Variants in BLTP3B observed in about 807,000 individuals in gnomAD.
BLTP3B encodes bridge-like lipid transfer protein family member 3B.
chr12:100,105,832 A>C, the BLTP3B span, among the ~76,000 whole-genome samples: 25 of 152,170 alleles, frequency 1.6e-4, no homozygotes, highest in Non-Finnish European at 5.9e-5. Flanking sequence ...TAATATTCAG[A>C]ATCTACAAGG....
At chr12:100,048,205 A>C in the BLTP3B span, 1 of 1,569,558 alleles carries the variant, frequency 6.4e-7, no homozygotes, top group Non-Finnish European at 8.6e-7. Context: ...ACCTAAGGAA[A>C]ATGAACATAC....
At chr12:100,114,104 A>G in the BLTP3B span, among the ~76,000 whole-genome samples, 1 of 152,334 alleles carries the variant, frequency 6.6e-6, no homozygotes, top group Admixed American at 6.5e-5. Flanking sequence ...GTTATAATTC[A>G]ATTATTTAGC....
chr12:100,054,527 T>G, the BLTP3B span, among the ~76,000 whole-genome samples: 1 of 152,258 alleles, frequency 6.6e-6, no homozygotes, highest in Admixed American at 6.5e-5. Flanking sequence ...CAGAAGAACA[T>G]TGTTTTTGAA....
the BLTP3B span, among the ~76,000 whole-genome samples, chr12:100,043,929 T>C: frequency 2.0e-5 from 3 of 152,156 alleles, no homozygotes; most frequent in African/African-American, 7.2e-5. Flanking sequence ...TCCTCTTGGA[T>C]TCTTTTGGTC....
At chr12:100,066,726 C>A in the BLTP3B span, among the ~76,000 whole-genome samples, 3 of 151,746 alleles carry the variant, frequency 2.0e-5, no homozygotes, top group South Asian at 2.1e-4. Context: ...ATGGCGTGAA[C>A]CCAGGAGGCA....
chr12:100,135,264 CTTTTT>C, the BLTP3B span, among the ~76,000 whole-genome samples: 1 of 141,084 alleles, frequency 7.1e-6, no homozygotes, highest in Non-Finnish European at 1.5e-5. Flanking sequence ...ATATTGCTTT[CTTTTT>C]TTTCTTTCTT....
At chr12:100,116,472 GA>G in the BLTP3B span, among the ~76,000 whole-genome samples, 60 of 132,576 alleles carry the variant, frequency 4.5e-4, no homozygotes, top group African/African-American at 1.4e-3. Context: ...AAAAAGAAAA[GA>G]AAAAAAAAGG....
the BLTP3B span, among the ~76,000 whole-genome samples, chr12:100,115,716 C>T: frequency 2.6e-5 from 4 of 151,796 alleles, no homozygotes; most frequent in East Asian, 3.9e-4. Flanking sequence ...GAGCTGTGAT[C>T]GTGCCACTGT....
chr12:100,108,007 G>C, the BLTP3B span, among the ~76,000 whole-genome samples: 5 of 152,116 alleles, frequency 3.3e-5, no homozygotes, highest in Non-Finnish European at 7.4e-5. Flanking sequence ...CTTCCAAAGT[G>C]CTGGGATTAC....
At chr12:100,055,996 T>C in the BLTP3B span, among the ~76,000 whole-genome samples, 3 of 152,232 alleles carry the variant, frequency 2.0e-5, no homozygotes, top group Non-Finnish European at 4.4e-5. Flanking sequence ...GCATATAGAA[T>C]GGTACCAACA....
At chr12:100,093,379 G>C in the BLTP3B span, among the ~76,000 whole-genome samples, 3 of 124,980 alleles carry the variant, frequency 2.4e-5, no homozygotes, top group Non-Finnish European at 5.0e-5. Context: ...CGATTCTTTC[G>C]AGTTACCTGC....
chr12:100,111,042 GA>G, the BLTP3B span, among the ~76,000 whole-genome samples: 134 of 151,708 alleles, frequency 8.8e-4, no homozygotes, highest in Non-Finnish European at 1.5e-3. Context: ...ATATCTACAA[GA>G]AAAAAAGAGT....
At chr12:100,119,489 A>G in the BLTP3B span, among the ~76,000 whole-genome samples, 1 of 152,176 alleles carries the variant, frequency 6.6e-6, no homozygotes, top group Non-Finnish European at 1.5e-5. Context: ...AATATCCAAA[A>G]TAACTCTGAA....
At chr12:100,086,096 G>C in the BLTP3B span, among the ~76,000 whole-genome samples, 1 of 151,758 alleles carries the variant, frequency 6.6e-6, no homozygotes, top group Non-Finnish European at 1.5e-5. Context: ...AATATACACT[G>C]TATGACTATA....
chr12:100,113,201 T>G, the BLTP3B span, among the ~76,000 whole-genome samples: 1 of 145,396 alleles, frequency 6.9e-6, no homozygotes, highest in Non-Finnish European at 1.5e-5. Context: ...CTCGGCCGGG[T>G]GCGGTGGCTC....
the BLTP3B span, among the ~76,000 whole-genome samples, chr12:100,053,395 G>A: frequency 6.6e-6 from 1 of 152,046 alleles, no homozygotes; most frequent in Non-Finnish European, 1.5e-5. Flanking sequence ...GCAACAGAGT[G>A]AGACTTGGTA....
At chr12:100,133,572 G>T in the BLTP3B span, among the ~76,000 whole-genome samples, 1 of 152,140 alleles carries the variant, frequency 6.6e-6, no homozygotes, top group Non-Finnish European at 1.5e-5. Flanking sequence ...CAATGAAAAG[G>T]GTACTGGATC....
At chr12:100,093,588 C>T in the BLTP3B span, among the ~76,000 whole-genome samples, 1 of 152,084 alleles carries the variant, frequency 6.6e-6, no homozygotes, top group Non-Finnish European at 1.5e-5. Context: ...CTGTTCAAAT[C>T]CATCCTAGTA....
chr12:100,038,790 G>A, the BLTP3B span, among the ~76,000 whole-genome samples: 1 of 152,136 alleles, frequency 6.6e-6, no homozygotes, highest in Non-Finnish European at 1.5e-5. Flanking sequence ...TAAGTACGGG[G>A]ATATAAAACT....
Sources: allele counts gnomAD v4.1 joint callset (sites outside exome capture counted in the v4.1 genomes callset), GRCh38; gene constraint gnomAD v4.1.1; transcripts MANE v1.5; gene names NCBI Gene and HGNC (gene_info 2026-07-23, HGNC 2026-07-21).